TTF2: variants seen among roughly 807,000 people sequenced by gnomAD.
TTF2 encodes transcription termination factor 2, also known as RNA polymerase II termination factor.
Under a neutral mutation model 142.4 loss-of-function variants are expected in TTF2, and 108 were observed. That is an observed-to-expected ratio of 0.76 (90% CI 0.65 to 0.89). The LOEUF (loss-of-function observed/expected upper bound fraction) is 0.89. Among genes scored for constraint, TTF2 ranks in the 40% least tolerant of loss-of-function variants. The pLI, the probability that TTF2 is intolerant of heterozygous loss-of-function variation, is 0.00. For missense variants in TTF2, 1,327 were observed against 1,379.8 expected (o/e 0.96, Z 0.61); for synonymous variants, 483 against 506.2 (o/e 0.95, Z 0.61).
At chr1:117,098,592 T>C (rs1649347339) in intron 21 of TTF2, 1 of 391,932 alleles carries the variant, frequency 2.6e-6, no homozygotes, top group African/African-American at 2.1e-5. Context: ...TAGGCCAGTA[T>C]AGCTTAGGAC....
At chr1:117,096,321 G>A (rs1649143487) in intron 20 of TTF2, 22 bp downstream of exon 20, 4 of 1,612,036 alleles carry the variant, frequency 2.5e-6, no homozygotes, top group East Asian at 4.5e-5. Context: ...TCACATCAGA[G>A]CCGCATAATT....
chr1:117,077,567 A>G (rs762350507), intron 7 of TTF2, among the ~76,000 whole-genome samples: 2 of 152,216 alleles, frequency 1.3e-5, no homozygotes, highest in Non-Finnish European at 2.9e-5. Context: ...AGAGAGCAAT[A>G]ACACCCTATT....
rs1649395118 is a variant in TTF2, at chr1:117,099,221, CAAG to C, written c.3344+317_3344+319del. ...TAATTTCAGACATACAGAAAACGTA[CAAG>C]AATAGTACCAAAAAGTTCCCATATA... On this transcript the variant is annotated intron_variant, in intron 22 of 22. Coordinates refer to ENST00000369466, the MANE Select transcript of TTF2 (RefSeq NM_003594.4). The surrounding 1 kb of genome is among the most constrained non-coding windows in gnomAD (Gnocchi z 4.3). Among the ~76,000 whole-genome samples the C allele has an allele frequency of 6.6e-6, 1 of 152,008 alleles. No homozygotes were observed. The highest frequency in any genetic ancestry group is 1.5e-5 in the Non-Finnish European group (1 of 67,992).
Position 117,073,721 on chromosome 1 carries a change from A to AT in TTF2, c.280dup (p.Trp94LeufsTer5). On this transcript the variant is annotated frameshift_variant, in exon 4 of 23. Coordinates refer to ENST00000369466, the MANE Select transcript of TTF2 (RefSeq NM_003594.4). LOFTEE classifies it high-confidence loss of function. The surrounding 1 kb of genome is among the most constrained non-coding windows in gnomAD (Gnocchi z 4.4). ...GGAAACGCTGGTGTGGAAGTATTCC[A>AT]TGGCAGGTAGGAATTATTCATCTGT... 1 of 1,612,180 alleles carries AT rather than the reference A, an allele frequency of 6.2e-7. No individual in the cohort carries two copies.
Position 117,062,469 on chromosome 1 carries a change from T to C in TTF2, c.214T>C (p.Tyr72His), listed in dbSNP as rs1411898633. 1.9e-6 allele frequency: 3 copies of C among 1,613,246 alleles called. No individual in the cohort carries two copies. Among genetic ancestry groups the C allele is most frequent in the South Asian group, 1.1e-5 (1 of 90,918 alleles). The change falls in exon 3 of 23, where the codon TAC (tyrosine) becomes CAC (histidine). Residue 72 changes from tyrosine (Y) to histidine (H), a missense_variant. Transcript: ENST00000369466. ...GLLLPQDKKEYRLFFRCIRSK... is the reference protein window; with the variant it reads ...GLLLPQDKKEHRLFFRCIRSK... ...GCTTCTGCCACAGGACAAGAAAGAA[T>C]ACAGGTAAGGGTCCAAAAGGAACAT... is the stretch of plus-strand genomic sequence containing the variant.
rs1302383104 is a variant in TTF2 at position 117,080,433 on chromosome 1, G to A, written c.1783+784G>A. ...GTTTCCTGCAGAAAGGATTTCATAG[G>A]GAGTCTCTTTCTAAAGCTGCTTATA... On this transcript the variant is annotated intron_variant, in intron 9 of 22. Transcript: ENST00000369466. The surrounding 1 kb of genome is among the most constrained non-coding windows in gnomAD (Gnocchi z 4.3). 6.6e-6 allele frequency among the ~76,000 whole-genome samples: 1 copy of A among 152,168 alleles called. No homozygotes were observed. Among genetic ancestry groups the A allele is most frequent in the African/African-American group, 2.4e-5 (1 of 41,434 alleles).
Position 117,092,586 on chromosome 1 carries a change from T to C in TTF2, c.2806-145T>C, listed in dbSNP as rs145111136. On this transcript the variant is annotated intron_variant, in intron 17 of 22. Transcript: ENST00000369466. The surrounding 1 kb of genome is among the most constrained non-coding windows in gnomAD (Gnocchi z 4.4). ...TGAAAAAACTTGCAAGATCACACTT[T>C]AATCAAGGTGTCTTGAGGAGTTACT... 7.6e-4 allele frequency: 637 copies of C among 843,296 alleles called. 3 individuals carry two copies. The African/African-American group carries it at 9.5e-3, about 13-fold the overall frequency. 52.2% of individuals were successfully genotyped at this position (843,296 alleles called of 1,614,324 possible).
chr1:117,094,210 G>A (rs1347667381), intron 18 of TTF2, among the ~76,000 whole-genome samples: 8 of 152,174 alleles, frequency 5.3e-5, no homozygotes, highest in African/African-American at 1.7e-4. Flanking sequence ...TGGGAGCTCA[G>A]GGCACCTCAG....
rs183624995 is a variant in TTF2 at position 117,106,332 on chromosome 1, T to C, written c.*4808T>C. 1.3e-5 allele frequency: 2 copies of C among 151,366 alleles called. No individual in the cohort carries two copies. Among genetic ancestry groups the C allele is most frequent in the African/African-American group, 2.4e-5 (1 of 41,170 alleles). 9.4% of individuals were successfully genotyped at this position (151,366 alleles called of 1,614,324 possible). ...AGGGAGGGAAGAGGGGCGACAGATA[T>C]GCAGCTACACAATGTTTTTACTATC... On this transcript the variant is annotated 3_prime_UTR_variant, in exon 23 of 23. Transcript: ENST00000369466.
rs1657015906 is a variant in TTF2, at chr1:117,076,471, G to A, written c.1391-170G>A. The A allele has an allele frequency of 1.1e-6, 1 of 937,338 alleles. No individual in the cohort carries two copies. The highest frequency in any genetic ancestry group is 2.6e-5 in the East Asian group (1 of 37,804). 58.1% of individuals were successfully genotyped at this position (937,338 alleles called of 1,614,324 possible). A position where few individuals can be genotyped will look rare whatever the true frequency, so the allele number is the denominator to read the frequency against. On this transcript the variant is annotated intron_variant, in intron 6 of 22. Coordinates refer to ENST00000369466, the MANE Select transcript of TTF2 (RefSeq NM_003594.4). The surrounding 1 kb of genome is among the most constrained non-coding windows in gnomAD (Gnocchi z 4.6). The stretch of plus-strand genomic sequence containing the variant: ...TAAAAAACTTTCTCCTGTTTCCTGT[G>A]GACTCTACTTTCTTCCCCATTGTTT...
intron 10 of TTF2, 33 bp from the exon 11 acceptor site, chr1:117,083,985 G>A (rs371619680): frequency 6.2e-7 from 1 of 1,611,178 alleles, no homozygotes; most frequent in Non-Finnish European, 8.5e-7. Context: ...TTTGGTGAAT[G>A]TAACTAGGCA....
Position 117,089,739 on chromosome 1 carries a change from T to A in TTF2, c.2343-316T>A, listed in dbSNP as rs138627330. ...TACTTATTTTTATTCGAGTCAGCCA[T>A]AAGAGGATGTGAAATTTCTTTCTTA... On this transcript the variant is annotated intron_variant, in intron 13 of 22. Coordinates refer to ENST00000369466, the MANE Select transcript of TTF2 (RefSeq NM_003594.4). 1.1e-4 allele frequency among the ~76,000 whole-genome samples: 16 copies of A among 152,228 alleles called. No homozygotes were observed. In the East Asian group the frequency reaches 3.1e-3, roughly 29 times the overall value.
intron 4 of TTF2, 46 bp from the exon 5 acceptor site, chr1:117,074,822 GAA>G: frequency 6.8e-7 from 1 of 1,464,866 alleles, no homozygotes. Flanking sequence ...TTCTAGATAC[GAA>G]GTTTGTATTA....
In TTF2 at chr1:117,090,333, A is replaced by ATG; in HGVS notation, c.2496+125_2496+126insTG. ...CTGAGTTTCCCATCCTCCTGTGAGG[A>ATG]GGCCCCAGGGTTGCAGTTCCATGCC... On this transcript the variant is annotated intron_variant, in intron 14 of 22. Coordinates refer to ENST00000369466, the MANE Select transcript of TTF2 (RefSeq NM_003594.4). The surrounding 1 kb of genome is among the most constrained non-coding windows in gnomAD (Gnocchi z 4.8). 1 of 1,383,850 alleles carries ATG rather than the reference A, an allele frequency of 7.2e-7. No homozygotes were observed. The highest frequency in any genetic ancestry group is 9.9e-7 in the Non-Finnish European group (1 of 1,012,372). The allele number at this position is 1,383,850 out of a possible 1,614,324, so 85.7% of individuals were successfully genotyped here. A position where few individuals can be genotyped will look rare whatever the true frequency, so the allele number is the denominator to read the frequency against.
rs74420241 is a variant in TTF2 at position 117,080,914 on chromosome 1, T to A, written c.1784-914T>A. Among the ~76,000 whole-genome samples the A allele has an allele frequency of 2.6e-4, 39 of 152,282 alleles. No individual in the cohort carries two copies. In the East Asian group the frequency reaches 6.9e-3, roughly 27 times the overall value. On this transcript the variant is annotated intron_variant, in intron 9 of 22. Coordinates refer to ENST00000369466, the MANE Select transcript of TTF2 (RefSeq NM_003594.4). The surrounding 1 kb of genome is among the most constrained non-coding windows in gnomAD (Gnocchi z 4.3). ...GTTCCCTAGGAAGCTCATTAGAGAT[T>A]TAATGCCCAAGGTTTTTATTGGGGG...
In TTF2 at chr1:117,093,707, A is replaced by G. The variant is rs999687840; in HGVS notation, c.2976+806A>G. Among the ~76,000 whole-genome samples, 1 of 152,386 alleles carries G rather than the reference A, an allele frequency of 6.6e-6. No homozygotes were observed. The highest frequency in any genetic ancestry group is 1.9e-4 in the East Asian group (1 of 5,194). On this transcript the variant is annotated intron_variant, in intron 18 of 22. Transcript: ENST00000369466. This position sits in a 1 kb window ranked among gnomAD's most constrained non-coding sequence, Gnocchi z 4.5. ...TAGCTGAGAGAAACATAAGAAGAGC[A>G]TCCCATGTGGCCAGAACACACATGC...
intron 21 of TTF2, 68 bp from the exon 22 acceptor site, chr1:117,098,765 A>T: frequency 7.1e-7 from 1 of 1,417,782 alleles, no homozygotes; most frequent in Non-Finnish European, 9.8e-7. Context: ...GATTTGGCCC[A>T]TGGCCCATAG....
chr1:117,086,426 A>G lies in TTF2; in HGVS notation c.2064A>G (p.Thr688=), dbSNP rs769989758. The change falls in exon 12 of 23, where the codon ACA becomes ACG. Residue 688 remains threonine, a synonymous_variant. Coordinates refer to ENST00000369466, the MANE Select transcript of TTF2 (RefSeq NM_003594.4). This position sits in a 1 kb window ranked among gnomAD's most constrained non-coding sequence, Gnocchi z 4.2. ...NRDSRARVLS[T]YDIVITTYSL... is the part of the protein sequence containing the mutation. ...TGTTATGTCTACGCAGCCTCTCTAC[A>G]TATGACATCGTGATCACTACCTATA... 2 of 1,613,564 alleles carry G rather than the reference A, an allele frequency of 1.2e-6. No homozygotes were observed. Among genetic ancestry groups the G allele is most frequent in the Non-Finnish European group, 1.7e-6 (2 of 1,179,492 alleles).
chr1:117,071,387 G>C (rs1487235521), intron 3 of TTF2, among the ~76,000 whole-genome samples: 1 of 151,980 alleles, frequency 6.6e-6, no homozygotes, highest in Non-Finnish European at 1.5e-5. Flanking sequence ...CAAGGTATTA[G>C]GTAAAAAAAG....
Sources: gnomAD v4.1 joint callset for allele counts (sites outside exome capture counted in the v4.1 genomes callset) on GRCh38, gnomAD v4.1.1 for gene constraint, Gnocchi (gnomAD v3.1) non-coding constraint, MANE v1.5 for transcripts, NCBI Gene and HGNC (gene_info 2026-07-23, HGNC 2026-07-21) for gene names.